Variants in TNS1 observed in about 807,000 individuals in gnomAD.
The protein encoded by TNS1 is tensin-1.
Under a neutral mutation model 168.6 loss-of-function variants are expected in TNS1, and 62 were observed. The observed-to-expected ratio is 0.37, with a 90% CI of 0.30 to 0.45. The LOEUF is 0.45. TNS1 is among the 20% of genes least tolerant of loss of function. The pLI, the probability that TNS1 is intolerant of heterozygous loss-of-function variation, is 1.00. For missense variants in TNS1, 2,240 were observed against 2,339.4 expected (o/e 0.96, Z 0.88); for synonymous variants, 934 against 933.2 (o/e 1.00, Z -0.02).
intron 18 of TNS1, among the ~76,000 whole-genome samples, chr2:217,861,902 C>G (rs1013118863): frequency 6.6e-6 from 1 of 152,214 alleles, no homozygotes; most frequent in Admixed American, 6.5e-5. Flanking sequence ...ATGTATCACA[C>G]CCAGTGCTTA....
At chr2:217,832,015 A>G (rs543338375) in intron 21 of TNS1, among the ~76,000 whole-genome samples, 57 of 152,162 alleles carry the variant, frequency 3.7e-4, no homozygotes, top group Non-Finnish European at 6.5e-4. Context: ...ATGGATTCAG[A>G]AGAGAACAGA....
chr2:217,978,981 T>G (rs1957966717), intron 2 of TNS1, 179 bp from the exon 3 acceptor site: 10 of 484,638 alleles, frequency 2.1e-5, no homozygotes, highest in East Asian at 1.2e-4. Context: ...CTGCCGGGCC[T>G]GCGGGGCGGG....
At chr2:217,893,313 G>C in intron 10 of TNS1, 126 bp downstream of exon 10, 8 of 1,424,394 alleles carry the variant, frequency 5.6e-6, no homozygotes, top group Non-Finnish European at 6.4e-6. Context: ...AGACTTATAT[G>C]CTCGCAAAAT....
At chr2:218,025,490 T>C (rs1194994717) in intron 1 of TNS1, among the ~76,000 whole-genome samples, 1 of 152,090 alleles carries the variant, frequency 6.6e-6, no homozygotes, top group Non-Finnish European at 1.5e-5. Context: ...CCTCAGGTGA[T>C]CTGCCCACCT....
At chr2:217,838,484 T>C (rs1335073116) in intron 19 of TNS1, among the ~76,000 whole-genome samples, 1 of 152,244 alleles carries the variant, frequency 6.6e-6, no homozygotes, top group Non-Finnish European at 1.5e-5. Flanking sequence ...TGGGAGCATG[T>C]TCTGACCAGA....
intron 1 of TNS1, among the ~76,000 whole-genome samples, chr2:218,027,964 G>A (rs912938172): frequency 6.6e-6 from 1 of 152,202 alleles, no homozygotes; most frequent in Non-Finnish European, 1.5e-5. Context: ...GCCATGGCAG[G>A]AAGAGGTGGG....
chr2:218,022,056 C>T (rs1412272996), intron 1 of TNS1, among the ~76,000 whole-genome samples: 1 of 151,966 alleles, frequency 6.6e-6, no homozygotes, highest in Non-Finnish European at 1.5e-5. Context: ...GCACTGGCAT[C>T]GGGGGGCGAG....
At chr2:217,821,129 C>T (rs1942781979) in intron 23 of TNS1, among the ~76,000 whole-genome samples, 1 of 152,096 alleles carries the variant, frequency 6.6e-6, no homozygotes, top group Non-Finnish European at 1.5e-5. Context: ...GCTCCAAGCC[C>T]TTCACTCATG....
At chr2:217,980,679 C>T (rs530304158) in intron 2 of TNS1, among the ~76,000 whole-genome samples, 5 of 152,158 alleles carry the variant, frequency 3.3e-5, no homozygotes, top group Non-Finnish European at 4.4e-5. Flanking sequence ...AGCTGTAGAC[C>T]GCCACCTCAA....
intron 3 of TNS1, among the ~76,000 whole-genome samples, chr2:217,974,749 T>C (rs1358558815): frequency 1.3e-5 from 2 of 152,168 alleles, no homozygotes; most frequent in Admixed American, 6.5e-5. Flanking sequence ...AGCTTACATA[T>C]CTAGAAGGCA....
rs954585345 is a variant in TNS1, at chr2:217,812,087, C to T, written c.5032+281G>A. Among the ~76,000 whole-genome samples, 11 of 152,166 alleles carry T rather than the reference C, an allele frequency of 7.2e-5. No individual in the cohort carries two copies. The East Asian group carries it at 7.7e-4, about 11-fold the overall frequency. On this transcript the variant is annotated intron_variant, in intron 28 of 32. Transcript: ENST00000682258. ...CTTCTGTCTCCTGTCATCCCTGGGA[C>T]GACGTGGTCTGAGGATTCCATATGA...
chr2:218,010,254 C>T, exon 1 of TNS1: 1 of 398,704 alleles, frequency 2.5e-6, no homozygotes, highest in East Asian at 3.6e-5. Flanking sequence ...ACCCGCCGCT[C>T]CTGGCGCAGA....
At chr2:217,983,363 G>C (rs1958104958) in intron 2 of TNS1, among the ~76,000 whole-genome samples, 1 of 152,186 alleles carries the variant, frequency 6.6e-6, no homozygotes, top group Non-Finnish European at 1.5e-5. Context: ...CAGTGACCCT[G>C]TCCAACCGGA....
intron 3 of TNS1, among the ~76,000 whole-genome samples, chr2:217,978,351 G>C (rs922458165): frequency 3.3e-5 from 5 of 152,128 alleles, no homozygotes; most frequent in Non-Finnish European, 7.3e-5. Context: ...TGGACACTGA[G>C]GTTTTCTAGG....
At chr2:217,983,690 A>C (rs1575158489) in intron 2 of TNS1, among the ~76,000 whole-genome samples, 1 of 151,430 alleles carries the variant, frequency 6.6e-6, no homozygotes, top group Non-Finnish European at 1.5e-5. Context: ...TGTGCACCTG[A>C]CCCCGGCGAT....
At chr2:217,892,655 TG>T (rs1951855312) in intron 11 of TNS1, among the ~76,000 whole-genome samples, 1 of 152,176 alleles carries the variant, frequency 6.6e-6, no homozygotes, top group Non-Finnish European at 1.5e-5. Flanking sequence ...GAAGGCAGTT[TG>T]GCAAGGAAAA....
At chr2:217,811,897 C>T (rs1201477422) in intron 28 of TNS1, among the ~76,000 whole-genome samples, 2 of 152,190 alleles carry the variant, frequency 1.3e-5, no homozygotes, top group African/African-American at 4.8e-5. Context: ...AACACCCTCC[C>T]AGCACACAGA....
intron 2 of TNS1, among the ~76,000 whole-genome samples, chr2:217,988,817 C>T (rs1399445563): frequency 6.6e-6 from 1 of 152,178 alleles, no homozygotes; most frequent in Non-Finnish European, 1.5e-5. Context: ...CCTTGACAAG[C>T]GACGTGACCA....
Position 217,844,181 on chromosome 2 carries a change from G to A in TNS1, c.3007+3329C>T, listed in dbSNP as rs555044360. 7.2e-5 allele frequency among the ~76,000 whole-genome samples: 11 copies of A among 152,234 alleles called. 1 individual carries two copies. Among genetic ancestry groups the A allele is most frequent in the Middle Eastern group, 3.4e-3 (1 of 294 alleles). The stretch of plus-strand genomic sequence containing the variant: ...TGGTTCTACCCCCACAGTATCCACT[G>A]CATCATCTCTTCATTTGCATTCCTA... On this transcript the variant is annotated intron_variant, in intron 19 of 32. Coordinates refer to ENST00000682258, the MANE Select transcript of TNS1 (RefSeq NM_001387777.1).
Sources: gnomAD v4.1 joint callset for allele counts (sites outside exome capture counted in the v4.1 genomes callset) on GRCh38, gnomAD v4.1.1 for gene constraint, MANE v1.5 for transcripts, NCBI Gene and HGNC (gene_info 2026-07-23, HGNC 2026-07-21) for gene names.